The following ITPR1 variants were observed in gnomAD, a reference collection of about 807,000 sequenced individuals.
ITPR1 encodes the protein inositol 1,4,5-trisphosphate receptor type 1, also known as inositol 1,4,5-trisphosphate-gated calcium channel ITPR1.
ITPR1 carries 96 observed loss-of-function variants against 318.4 expected under a neutral mutation model. That is an observed-to-expected ratio of 0.30 (90% CI 0.26 to 0.36). The LOEUF (loss-of-function observed/expected upper bound fraction) is 0.36, where lower values mean the gene tolerates loss of function less well. Among genes scored for constraint, ITPR1 ranks in the 10% least tolerant of loss-of-function variants. The pLI is 1.00. For synonymous variants in ITPR1, 1,312 were observed against 1,289.9 expected (o/e 1.02, Z -0.37); for missense variants, 2,440 against 3,460.2 (o/e 0.71, Z 7.40).
At chr3:4,797,980 G>A (rs866253659) in intron 53 of ITPR1, among the ~76,000 whole-genome samples, 12 of 152,190 alleles carry the variant, frequency 7.9e-5, no homozygotes, top group Admixed American at 2.6e-4. Context: ...TCTCAAAGAT[G>A]TCTTTCTAGA....
intron 34 of ITPR1, among the ~76,000 whole-genome samples, chr3:4,699,156 C>T (rs927259504): frequency 6.6e-6 from 1 of 151,666 alleles, no homozygotes; most frequent in Non-Finnish European, 1.5e-5. Flanking sequence ...CGAGACCAGC[C>T]TGGCCAATGT....
At chr3:4,605,876 G>C (rs1391902592) in intron 4 of ITPR1, among the ~76,000 whole-genome samples, 1 of 152,114 alleles carries the variant, frequency 6.6e-6, no homozygotes, top group Non-Finnish European at 1.5e-5. Context: ...CTCCTCCAAG[G>C]TGAAATCAGA....
intron 4 of ITPR1, among the ~76,000 whole-genome samples, chr3:4,523,373 T>C (rs1191965483): frequency 6.6e-6 from 1 of 152,228 alleles, no homozygotes; most frequent in Non-Finnish European, 1.5e-5. Context: ...AATATGCATG[T>C]ATAGTGGAAT....
At chr3:4,830,857 C>T (rs1383982679) in intron 60 of ITPR1, 1 of 450,712 alleles carries the variant, frequency 2.2e-6, no homozygotes, top group Non-Finnish European at 4.5e-6. Flanking sequence ...CCTCAAGCCC[C>T]CCTCACCCTC....
At chr3:4,788,213 C>T (rs1420324500) in intron 52 of ITPR1, 74 bp downstream of exon 52, 14 of 1,173,336 alleles carry the variant, frequency 1.2e-5, no homozygotes, top group South Asian at 1.1e-4. Context: ...CTTGATGGTG[C>T]GTTCATTTCC....
chr3:4,503,336 G>A (rs974243665), intron 2 of ITPR1, among the ~76,000 whole-genome samples: 6 of 152,154 alleles, frequency 3.9e-5, no homozygotes, highest in Non-Finnish European at 8.8e-5. Context: ...AGTACCGAGT[G>A]TTGACTGCTT....
intron 32 of ITPR1, among the ~76,000 whole-genome samples, chr3:4,692,115 C>G (rs927865645): frequency 1.4e-5 from 2 of 148,124 alleles, no homozygotes; most frequent in Non-Finnish European, 3.0e-5. Context: ...GCACTCCAGC[C>G]TGGGCAACAG....
At chr3:4,502,133 C>T (rs887866855) in intron 2 of ITPR1, among the ~76,000 whole-genome samples, 6 of 152,206 alleles carry the variant, frequency 3.9e-5, no homozygotes, top group African/African-American at 1.4e-4. Context: ...ATTTGTTTGC[C>T]TTGTCGTGTG....
intron 33 of ITPR1, among the ~76,000 whole-genome samples, chr3:4,694,181 TA>T (rs370783456): frequency 0.034 from 5,035 of 146,818 alleles, 118 homozygotes; most frequent in Admixed American, 0.067. Flanking sequence ...GACAATCAAT[TA>T]AAAAAAAAAA....
chr3:4,747,452 C>T (rs577835477), intron 44 of ITPR1, among the ~76,000 whole-genome samples: 1 of 152,344 alleles, frequency 6.6e-6, no homozygotes, highest in African/African-American at 2.4e-5. Context: ...CAGGCACAGA[C>T]ATGGCCGCTT....
At chr3:4,789,711 C>A (rs1004226593) in intron 52 of ITPR1, among the ~76,000 whole-genome samples, 3 of 152,186 alleles carry the variant, frequency 2.0e-5, no homozygotes, top group Non-Finnish European at 4.4e-5. Flanking sequence ...CCTCCACCTC[C>A]CGGGTTCAAG....
At chr3:4,752,193 A>G (rs1429614130) in intron 44 of ITPR1, among the ~76,000 whole-genome samples, 2 of 152,108 alleles carry the variant, frequency 1.3e-5, no homozygotes, top group East Asian at 1.9e-4. Context: ...AGTTGCCCTC[A>G]CCATATGGTA....
intron 41 of ITPR1, 43 bp downstream of exon 41, chr3:4,725,624 A>T (rs906477183): frequency 6.5e-7 from 1 of 1,535,798 alleles, no homozygotes; most frequent in South Asian, 1.1e-5. Flanking sequence ...GCCAGCAAAT[A>T]TGGATGCCTC....
intron 2 of ITPR1, among the ~76,000 whole-genome samples, chr3:4,499,859 ACTCCTGGT>A (rs899976502): frequency 5.9e-5 from 9 of 151,794 alleles, no homozygotes; most frequent in African/African-American, 2.2e-4. Context: ...CTGGCCTTGG[ACTCCTGGT>A]CTCAAGCAGT....
chr3:4,662,392 T>C (rs1365284673), intron 15 of ITPR1, 150 bp downstream of exon 15: 2 of 574,292 alleles, frequency 3.5e-6, no homozygotes, highest in East Asian at 3.2e-5. Flanking sequence ...GTGTAACTTT[T>C]AAGAAATAGT....
At chr3:4,575,475 C>T (rs771834757) in intron 4 of ITPR1, among the ~76,000 whole-genome samples, 5 of 152,116 alleles carry the variant, frequency 3.3e-5, no homozygotes, top group Admixed American at 6.5e-5. Flanking sequence ...TCATCACCCT[C>T]AGGGAGTTTG....
At chr3:4,814,837 A>G (rs2049185082) in intron 58 of ITPR1, 1 of 596,180 alleles carries the variant, frequency 1.7e-6, no homozygotes, top group African/African-American at 1.9e-5. Context: ...ACCTGAACGC[A>G]CAGTGAATAT....
chr3:4,771,360 G>T (rs2046171782), intron 46 of ITPR1, among the ~76,000 whole-genome samples: 1 of 152,198 alleles, frequency 6.6e-6, no homozygotes, highest in African/African-American at 2.4e-5. Flanking sequence ...AAGACTGCCT[G>T]GAGTAGAATC....
At chr3:4,651,832 T>G (rs2093605300) in intron 10 of ITPR1, among the ~76,000 whole-genome samples, 1 of 152,246 alleles carries the variant, frequency 6.6e-6, no homozygotes, top group Non-Finnish European at 1.5e-5. Context: ...TAGGTAAATT[T>G]CAGAATCTGC....
Sources: allele counts gnomAD v4.1 joint callset (sites outside exome capture counted in the v4.1 genomes callset), GRCh38; gene constraint gnomAD v4.1.1; transcripts MANE v1.5; gene names NCBI Gene and HGNC (gene_info 2026-07-23, HGNC 2026-07-21).